VWA8: variants seen among roughly 807,000 people sequenced by gnomAD.
VWA8 encodes von Willebrand factor A domain-containing protein 8.
Under a neutral mutation model 241.5 loss-of-function variants are expected in VWA8, and 221 were observed. That is an observed-to-expected ratio of 0.91 (90% CI 0.82 to 1.02). VWA8 has a LOEUF of 1.02. Among genes scored for constraint, VWA8 ranks in the 50% least tolerant of loss-of-function variants. The probability of loss-of-function intolerance (pLI) is 0.00; values close to 1 mark genes in which losing one functional copy is unlikely to be tolerated. For missense variants in VWA8, 2,322 were observed against 2,328.7 expected, an observed-to-expected ratio of 1.00 and a Z score of 0.06; for synonymous variants, 852 against 827.1, an observed-to-expected ratio of 1.03 and a Z score of -0.52.
chr13:41,860,413 C>T (rs576866561), intron 12 of VWA8, among the ~76,000 whole-genome samples: 2 of 152,162 alleles, frequency 1.3e-5, no homozygotes, highest in East Asian at 3.9e-4. Flanking sequence ...TTATCATCAT[C>T]TGTATTTTTC....
intron 29 of VWA8, among the ~76,000 whole-genome samples, chr13:41,697,738 G>A (rs947007491): frequency 6.6e-5 from 10 of 152,128 alleles, no homozygotes; most frequent in African/African-American, 9.7e-5. Context: ...ACCTCCTGCC[G>A]TGCGGCCCAG....
chr13:41,680,646 C>T (rs1234061519), intron 35 of VWA8, among the ~76,000 whole-genome samples: 1 of 152,038 alleles, frequency 6.6e-6, no homozygotes, highest in Non-Finnish European at 1.5e-5. Flanking sequence ...AATGTGAAAC[C>T]ACAATAAAAG....
chr13:41,692,586 C>T (rs1320785590), intron 30 of VWA8, among the ~76,000 whole-genome samples: 5 of 152,034 alleles, frequency 3.3e-5, no homozygotes, highest in East Asian at 1.9e-4. Flanking sequence ...GTTAAAAATA[C>T]GATATTCAAA....
At chr13:41,750,013 T>TA (rs1198612610) in intron 21 of VWA8, among the ~76,000 whole-genome samples, 2 of 151,926 alleles carry the variant, frequency 1.3e-5, no homozygotes, top group Non-Finnish European at 2.9e-5. Context: ...CCCTAAAACT[T>TA]AAAGTATATT....
chr13:41,819,946 G>A (rs558241851), intron 14 of VWA8, among the ~76,000 whole-genome samples: 49 of 152,236 alleles, frequency 3.2e-4, no homozygotes, highest in African/African-American at 1.1e-3. Flanking sequence ...AACCTTTATA[G>A]AATGCATTCT....
chr13:41,677,562 A>C (rs1469426187), intron 35 of VWA8, among the ~76,000 whole-genome samples: 4 of 152,170 alleles, frequency 2.6e-5, no homozygotes, highest in Non-Finnish European at 5.9e-5. Context: ...CTTTAGCACT[A>C]AAATCTATGC....
At chr13:41,691,959 A>T in intron 30 of VWA8, 21 bp from the exon 31 acceptor site, 1 of 1,523,332 alleles carries the variant, frequency 6.6e-7, no homozygotes, top group Non-Finnish European at 9.1e-7. Context: ...ACAAAACAAG[A>T]TATTCATATT....
chr13:41,912,235 A>C, intron 2 of VWA8, 67 bp from the exon 3 acceptor site: 1 of 1,285,466 alleles, frequency 7.8e-7, no homozygotes, highest in Non-Finnish European at 1.0e-6. Context: ...TCTCCAAGTA[A>C]TGTGGACATA....
intron 12 of VWA8, among the ~76,000 whole-genome samples, chr13:41,854,453 A>ATT (rs35229178): frequency 1.3e-5 from 2 of 149,750 alleles, no homozygotes; most frequent in African/African-American, 4.9e-5. Context: ...ATTTCAAAAT[A>ATT]TTTTTTATTG....
At chr13:41,930,453 G>A (rs976758234) in intron 2 of VWA8, among the ~76,000 whole-genome samples, 10 of 152,230 alleles carry the variant, frequency 6.6e-5, no homozygotes, top group South Asian at 4.1e-4. Context: ...GCAAAGATAC[G>A]GAAACAACCA....
chr13:41,763,113 AAAACAAAC>A (rs746738961), intron 20 of VWA8, among the ~76,000 whole-genome samples: 2 of 151,842 alleles, frequency 1.3e-5, no homozygotes, highest in Non-Finnish European at 2.9e-5. Flanking sequence ...ATAAAAACAA[AAAACAAAC>A]AAACAAACAA....
intron 40 of VWA8, among the ~76,000 whole-genome samples, chr13:41,594,666 G>A (rs2044477282): frequency 6.6e-6 from 1 of 152,174 alleles, no homozygotes; most frequent in Middle Eastern, 3.2e-3. Flanking sequence ...GATGTTGGCG[G>A]AGCATAGCAG....
At chr13:41,792,224 T>A (rs1268630611) in intron 17 of VWA8, among the ~76,000 whole-genome samples, 2 of 151,478 alleles carry the variant, frequency 1.3e-5, no homozygotes, top group Non-Finnish European at 3.0e-5. Flanking sequence ...TTATAGTCCC[T>A]GAATGCCAGT....
intron 21 of VWA8, among the ~76,000 whole-genome samples, chr13:41,758,483 GTATA>G (rs201381460): frequency 7.6e-6 from 1 of 132,212 alleles, no homozygotes; most frequent in Non-Finnish European, 1.6e-5. Context: ...ATATATGCCA[GTATA>G]TATATTCCAT....
intron 20 of VWA8, among the ~76,000 whole-genome samples, chr13:41,762,251 A>G (rs2045746168): frequency 6.6e-6 from 1 of 152,080 alleles, no homozygotes; most frequent in Non-Finnish European, 1.5e-5. Flanking sequence ...CTTAACCCAT[A>G]CTGTGCCAGG....
In VWA8 at chr13:41,868,713, G is replaced by A. The variant is rs186407409; in HGVS notation, c.1081-236C>T. Reference sequence around the variant, plus strand: ...ATCCTGGCTAACACGGTGAAACCCCGTCTCTACTAAAAAATAGAAAAAAAA... The same window carrying A: ...ATCCTGGCTAACACGGTGAAACCCCATCTCTACTAAAAAATAGAAAAAAAA... On this transcript the variant is annotated intron_variant, in intron 9 of 44. Coordinates refer to ENST00000379310, the MANE Select transcript of VWA8 (RefSeq NM_015058.2). Among the ~76,000 whole-genome samples the A allele has an allele frequency of 2.7e-3, 405 of 151,688 alleles. 2 individuals carry two copies. The highest frequency in any genetic ancestry group is 4.3e-3 in the Non-Finnish European group (289 of 67,882).
chr13:41,779,705 T>TA (rs1422447177), intron 19 of VWA8, among the ~76,000 whole-genome samples: 1 of 152,180 alleles, frequency 6.6e-6, no homozygotes, highest in East Asian at 1.9e-4. Context: ...CAGAAAACAC[T>TA]AAGCTCTTCC....
chr13:41,865,712 T>C, intron 12 of VWA8, 24 bp downstream of exon 12: 1 of 1,611,766 alleles, frequency 6.2e-7, no homozygotes, highest in East Asian at 2.2e-5. Flanking sequence ...ATAGTCCAAG[T>C]GCAGCTAAAA....
At chr13:41,838,444 T>C (rs1278644945) in intron 12 of VWA8, among the ~76,000 whole-genome samples, 4 of 152,152 alleles carry the variant, frequency 2.6e-5, no homozygotes, top group East Asian at 1.9e-4. Flanking sequence ...ATAACTGTCT[T>C]ATAGGAAATT....
Sources: allele counts gnomAD v4.1 joint callset (sites outside exome capture counted in the v4.1 genomes callset), GRCh38; gene constraint gnomAD v4.1.1; transcripts MANE v1.5; gene names NCBI Gene and HGNC (gene_info 2026-07-23, HGNC 2026-07-21).